Variants in SLC39A12 observed in about 807,000 individuals in gnomAD.
SLC39A12 encodes solute carrier family 39 member 12, also known as zinc transporter ZIP12.
In SLC39A12, 63 loss-of-function variants were observed where a neutral mutation model predicts 71.1. The ratio of observed to expected loss-of-function variants is 0.89; its 90% CI spans 0.72 to 1.09. The LOEUF is 1.09. SLC39A12 is among the 50% of genes least tolerant of loss of function. SLC39A12 has a pLI of 0.00. For synonymous variants in SLC39A12, 351 were observed against 301.3 expected (o/e 1.16, Z -1.71); for missense variants, 892 against 812.6 (o/e 1.10, Z -1.19).
At chr10:17,954,817 G>C (rs985823755) in intron 2 of SLC39A12, among the ~76,000 whole-genome samples, 1 of 152,126 alleles carries the variant, frequency 6.6e-6, no homozygotes, top group African/African-American at 2.4e-5. Flanking sequence ...CAATCATGCA[G>C]AGGCGAGGGA....
At chr10:17,990,572 A>G (rs1835517313) in intron 7 of SLC39A12, among the ~76,000 whole-genome samples, 1 of 152,158 alleles carries the variant, frequency 6.6e-6, no homozygotes, top group South Asian at 2.1e-4. Context: ...AGTCAGTTAC[A>G]GAAAAATTCC....
chr10:18,037,718 A>T (rs1046812715), intron 12 of SLC39A12, among the ~76,000 whole-genome samples: 2 of 152,138 alleles, frequency 1.3e-5, no homozygotes, highest in Non-Finnish European at 2.9e-5. Context: ...GGCAGGAAAG[A>T]AGTGCTGCTA....
chr10:18,038,188 G>A (rs1263454808), intron 12 of SLC39A12, among the ~76,000 whole-genome samples: 3 of 151,634 alleles, frequency 2.0e-5, no homozygotes, highest in Non-Finnish European at 2.9e-5. Flanking sequence ...TGTTCATGGT[G>A]TTTTCTGGTG....
intron 12 of SLC39A12, among the ~76,000 whole-genome samples, chr10:18,021,546 A>T (rs965984213): frequency 6.6e-6 from 1 of 152,120 alleles, no homozygotes. Flanking sequence ...CAAAGAAAGC[A>T]TACATTTAGG....
intron 12 of SLC39A12, among the ~76,000 whole-genome samples, chr10:18,017,107 ATTTAC>A (rs1836407360): frequency 6.6e-6 from 1 of 152,064 alleles, no homozygotes; most frequent in Non-Finnish European, 1.5e-5. Flanking sequence ...CAAATAAATT[ATTTAC>A]TTATATATTT....
chr10:17,981,555 C>G, intron 6 of SLC39A12, 72 bp downstream of exon 6: 1 of 1,230,618 alleles, frequency 8.1e-7, no homozygotes, highest in Non-Finnish European at 1.1e-6. Context: ...ATGCAGGATA[C>G]TTACTATATA....
intron 12 of SLC39A12, among the ~76,000 whole-genome samples, chr10:18,012,928 C>T (rs942360290): frequency 2.0e-5 from 3 of 147,846 alleles, no homozygotes; most frequent in Non-Finnish European, 4.4e-5. Context: ...TGGTTGTTAA[C>T]GAAGCGTGAG....
At chr10:18,009,693 C>A (rs1156458703) in intron 12 of SLC39A12, 1 of 152,100 alleles carries the variant, frequency 6.6e-6, no homozygotes, top group Admixed American at 6.6e-5. Flanking sequence ...GAAGTGTCGC[C>A]CAGAAGTAAT....
intron 3 of SLC39A12, among the ~76,000 whole-genome samples, chr10:17,963,875 T>G (rs1834755836): frequency 6.6e-6 from 1 of 152,196 alleles, no homozygotes; most frequent in Non-Finnish European, 1.5e-5. Flanking sequence ...CTTGATACCC[T>G]AATCCAGGCA....
At chr10:17,990,265 G>A (rs2148595) in intron 7 of SLC39A12, among the ~76,000 whole-genome samples, 46,348 of 151,856 alleles carry the variant, frequency 0.31, 8,183 homozygotes, top group Non-Finnish European at 0.4. Context: ...AGTGATATTT[G>A]CATACACAAC....
Position 17,977,899 on chromosome 10 carries a change from T to C in SLC39A12, c.752-3T>C, listed in dbSNP as rs757938209. The C allele has an allele frequency of 1.3e-6, 2 of 1,568,250 alleles. 1 individual carries two copies. The highest frequency in any genetic ancestry group is 4.0e-5 in the Admixed American group (2 of 49,426). ...GACACCAGATTTTATATGAAATTTC[T>C]AGAACTAGACCAACTCCTCAACACT... On this transcript the variant is annotated splice_polypyrimidine_tract_variant and splice_region_variant and intron_variant, in intron 4 of 12. Coordinates refer to ENST00000377369, the MANE Select transcript of SLC39A12 (RefSeq NM_001145195.2).
At chr10:17,972,922 T>C in intron 4 of SLC39A12, among the ~76,000 whole-genome samples, 1 of 152,128 alleles carries the variant, frequency 6.6e-6, no homozygotes, top group Non-Finnish European at 1.5e-5. Flanking sequence ...CTTTCCTTTC[T>C]GTCTTCCTTT....
At chr10:17,959,785 T>A (rs962225764) in intron 2 of SLC39A12, among the ~76,000 whole-genome samples, 11 of 152,210 alleles carry the variant, frequency 7.2e-5, no homozygotes, top group Non-Finnish European at 1.2e-4. Flanking sequence ...GAATCCCTTA[T>A]GTCAAGTAAA....
chr10:18,037,797 G>A (rs1430041846), intron 12 of SLC39A12, among the ~76,000 whole-genome samples: 2 of 151,938 alleles, frequency 1.3e-5, no homozygotes, highest in Non-Finnish European at 2.9e-5. Context: ...GCCAAGGTGG[G>A]CGGATCACCG....
rs774861383 is a variant in SLC39A12 at position 18,003,180 on chromosome 10, C to A, written c.1769C>A (p.Ala590Asp). 6.2e-7 allele frequency: 1 copy of A among 1,612,318 alleles called. No homozygotes were observed. ...TCCTCTTAAACTTCAGGAGACTTTG[C>A]CGTGCTCTTAAGCTCTGGACTTTCT... Reference protein sequence around the residue: ...HEIPHEMGDFAVLLSSGLSMK... With the variant: ...HEIPHEMGDFDVLLSSGLSMK... Residue 590 changes from alanine to aspartate, a missense_variant, in exon 12 of 13, where the codon GCC (alanine) becomes GAC (aspartate). Coordinates refer to ENST00000377369, the MANE Select transcript of SLC39A12 (RefSeq NM_001145195.2).
At chr10:18,037,782 G>C (rs1837099520) in intron 12 of SLC39A12, among the ~76,000 whole-genome samples, 1 of 152,026 alleles carries the variant, frequency 6.6e-6, no homozygotes. Flanking sequence ...CCAGCACTTT[G>C]GGAGGCCAAG....
At chr10:18,025,287 G>A (rs1047708102) in intron 12 of SLC39A12, among the ~76,000 whole-genome samples, 3 of 151,670 alleles carry the variant, frequency 2.0e-5, no homozygotes, top group African/African-American at 7.3e-5. Context: ...CAACATGCAG[G>A]TTAGTTACAC....
intron 12 of SLC39A12, among the ~76,000 whole-genome samples, chr10:18,036,794 A>ATATATATTTTTTTTT (rs1554855475): frequency 2.2e-5 from 2 of 92,896 alleles, no homozygotes. Flanking sequence ...ATATATATAT[A>ATATATATTTTTTTTT]TTTTTTTTTT....
intron 12 of SLC39A12, among the ~76,000 whole-genome samples, chr10:18,039,806 T>A (rs1328564141): frequency 1.3e-5 from 2 of 152,210 alleles, no homozygotes; most frequent in African/African-American, 2.4e-5. Flanking sequence ...AAATGCAAGC[T>A]CTTTGAGAAC....
Sources: gnomAD v4.1 joint callset for allele counts (sites outside exome capture counted in the v4.1 genomes callset) on GRCh38, gnomAD v4.1.1 for gene constraint, MANE v1.5 for transcripts, NCBI Gene and HGNC (gene_info 2026-07-23, HGNC 2026-07-21) for gene names.